DAB1: variants seen among roughly 807,000 people sequenced by gnomAD.
DAB1 encodes the protein disabled homolog 1.
DAB1 carries 15 observed loss-of-function variants against 64.6 expected under a neutral mutation model. The ratio of observed to expected loss-of-function variants is 0.23; its 90% confidence interval spans 0.16 to 0.36. The LOEUF (loss-of-function observed/expected upper bound fraction) is 0.36, where lower values mean the gene tolerates loss of function less well. DAB1 is among the 10% of genes least tolerant of loss of function. The pLI, the probability that DAB1 is intolerant of heterozygous loss-of-function variation, is 1.00. For missense variants in DAB1, 596 were observed against 706.7 expected (o/e 0.84, Z 1.78); for synonymous variants, 235 against 251.9 (o/e 0.93, Z 0.64).
At chr1:58,187,351 C>T (rs1657135416) in intron 4 of DAB1, among the ~76,000 whole-genome samples, 1 of 150,264 alleles carries the variant, frequency 6.7e-6, no homozygotes, top group Admixed American at 6.6e-5. Context: ...TAGGTGTGCA[C>T]TTGTAGTCCC....
At chr1:58,323,102 CA>C (rs1662729554) in intron 4 of DAB1, among the ~76,000 whole-genome samples, 1 of 122,696 alleles carries the variant, frequency 8.2e-6, no homozygotes, top group African/African-American at 3.2e-5. Context: ...GGGTGGGGGG[CA>C]GGGGGAGGGA....
intron 4 of DAB1, among the ~76,000 whole-genome samples, chr1:58,166,756 T>G (rs922386915): frequency 9.2e-5 from 14 of 151,858 alleles, no homozygotes; most frequent in Non-Finnish European, 1.3e-4. Flanking sequence ...GTTCGTTTTT[T>G]TTTTTTTTTA....
At chr1:57,888,166 G>A (rs1034892371), upstream of DAB1, among the ~76,000 whole-genome samples, 5 of 152,080 alleles carry the variant, frequency 3.3e-5, no homozygotes, top group Non-Finnish European at 1.5e-5. Flanking sequence ...GGGGGGATGG[G>A]CACACTATCT....
intron 4 of DAB1, among the ~76,000 whole-genome samples, chr1:58,315,358 T>G (rs1662534489): frequency 6.6e-6 from 1 of 152,116 alleles, no homozygotes; most frequent in African/African-American, 2.4e-5. Context: ...CTTACTCCAT[T>G]TGTGCCAAAT....
chr1:57,112,237 C>T (rs1312467102), intron 4 of DAB1, among the ~76,000 whole-genome samples: 2 of 152,094 alleles, frequency 1.3e-5, no homozygotes, highest in Non-Finnish European at 2.9e-5. Context: ...GCTGCAAGGC[C>T]CTGTGTTCAG....
chr1:57,591,361 G>C (rs142009955), intron 7 of DAB1, among the ~76,000 whole-genome samples: 1 of 152,188 alleles, frequency 6.6e-6, no homozygotes. Context: ...CATGTGAAAT[G>C]TTCAGAAAAT....
chr1:57,751,473 G>A (rs1285297519), intron 6 of DAB1, among the ~76,000 whole-genome samples: 1 of 152,120 alleles, frequency 6.6e-6, no homozygotes, highest in Non-Finnish European at 1.5e-5. Context: ...CAGCCCTGAT[G>A]ACTCTTCAGT....
intron 6 of DAB1, among the ~76,000 whole-genome samples, chr1:57,716,917 A>C (rs1647090817): frequency 6.6e-6 from 1 of 152,132 alleles, no homozygotes; most frequent in African/African-American, 2.4e-5. Flanking sequence ...AAAATGGGGA[A>C]AAGACTTAAA....
At chr1:58,322,862 T>C (rs1662719618) in intron 4 of DAB1, among the ~76,000 whole-genome samples, 1 of 152,152 alleles carries the variant, frequency 6.6e-6, no homozygotes, top group Admixed American at 6.5e-5. Context: ...AATGATAGAC[T>C]GGATTAAGAA....
chr1:58,314,313 C>G (rs770642682), intron 4 of DAB1, among the ~76,000 whole-genome samples: 3 of 152,154 alleles, frequency 2.0e-5, no homozygotes, highest in Non-Finnish European at 2.9e-5. Flanking sequence ...AAAGCCTGAT[C>G]CTGTTCTATG....
intron 4 of DAB1, among the ~76,000 whole-genome samples, chr1:58,326,640 A>G (rs1662831373): frequency 6.6e-6 from 1 of 152,226 alleles, no homozygotes; most frequent in African/African-American, 2.4e-5. Context: ...CAGTGATAAC[A>G]CAGCATTGTT....
chr1:57,749,668 C>T (rs1648461564), intron 6 of DAB1, among the ~76,000 whole-genome samples: 1 of 151,934 alleles, frequency 6.6e-6, no homozygotes, highest in African/African-American at 2.4e-5. Context: ...AGTGATGATC[C>T]CCATTCTATG....
intron 5 of DAB1, among the ~76,000 whole-genome samples, chr1:58,075,133 A>C (rs113888654): frequency 6.6e-6 from 1 of 152,142 alleles, no homozygotes; most frequent in Non-Finnish European, 1.5e-5. Context: ...TTAAATTCCA[A>C]CCACCTAGGA....
intron 3 of DAB1, among the ~76,000 whole-genome samples, chr1:58,454,448 G>C (rs963122158): frequency 6.6e-6 from 1 of 152,170 alleles, no homozygotes; most frequent in African/African-American, 2.4e-5. Context: ...GCTTGCAGGA[G>C]TCGACCCAAA....
At position 58,217,243 on chromosome 1, in the gene DAB1, A is replaced by AT. The variant is rs1658903775; in HGVS notation, n.310-66656_310-66655insA. On this transcript the variant is annotated intron_variant and non_coding_transcript_variant, in intron 4 of 20. Transcript: ENST00000485760. ...AACTTGTCCAAGTCTACTTGGCTCC[A>AT]AAGCTTGTGCTCCTTGGACTCTGTC... is the stretch of plus-strand genomic sequence containing the variant. Among the ~76,000 whole-genome samples the AT allele has an allele frequency of 2.6e-5, 4 of 152,354 alleles. No homozygotes were observed. The South Asian group carries it at 8.3e-4, about 32-fold the overall frequency.
chr1:57,787,826 C>G (rs529765944), intron 6 of DAB1, among the ~76,000 whole-genome samples: 2 of 149,248 alleles, frequency 1.3e-5, no homozygotes. Flanking sequence ...CTCAATAAGA[C>G]AACACAATTT....
intron 3 of DAB1, among the ~76,000 whole-genome samples, chr1:58,467,047 G>A (rs1645304565): frequency 6.6e-6 from 1 of 152,238 alleles, no homozygotes; most frequent in South Asian, 2.1e-4. Context: ...CCTCCCAGGG[G>A]ACAAGTGGGA....
At chr1:57,891,498 C>T (rs1357581150) in intron 5 of DAB1, among the ~76,000 whole-genome samples, 1 of 152,104 alleles carries the variant, frequency 6.6e-6, no homozygotes, top group African/African-American at 2.4e-5. Context: ...CCCAGCAATC[C>T]CATTACTGGC....
At chr1:57,335,844 G>A (rs1270489747) in intron 1 of DAB1, among the ~76,000 whole-genome samples, 3 of 152,208 alleles carry the variant, frequency 2.0e-5, no homozygotes, top group Non-Finnish European at 4.4e-5. Flanking sequence ...ATGTTTGACT[G>A]CAAATATTCC....
Sources: gnomAD v4.1 joint callset for allele counts (sites outside exome capture counted in the v4.1 genomes callset) on GRCh38, gnomAD v4.1.1 for gene constraint, MANE v1.5 for transcripts, NCBI Gene and HGNC (gene_info 2026-07-23, HGNC 2026-07-21) for gene names.